Variants in DYNC2I1 observed in about 807,000 individuals in gnomAD.
DYNC2I1 encodes the protein dynein 2 intermediate chain 1.
DYNC2I1 carries 89 observed loss-of-function variants against 133.4 expected under a neutral mutation model. That is an observed-to-expected ratio of 0.67 (90% CI 0.56 to 0.80). The LOEUF (loss-of-function observed/expected upper bound fraction) is 0.80, where lower values mean the gene tolerates loss of function less well. Among genes scored for constraint, DYNC2I1 ranks in the 30% least tolerant of loss-of-function variants. DYNC2I1 has a pLI of 0.00. For missense variants in DYNC2I1, 1,291 were observed against 1,314.5 expected (o/e 0.98, Z 0.28); for synonymous variants, 504 against 484.3 (o/e 1.04, Z -0.54).
At chr7:158,860,482 A>G (rs1385885984) in intron 1 of DYNC2I1, among the ~76,000 whole-genome samples, 1 of 152,256 alleles carries the variant, frequency 6.6e-6, no homozygotes, top group Non-Finnish European at 1.5e-5. Flanking sequence ...CTGAGATCAT[A>G]CCAAGTTTCA....
intron 16 of DYNC2I1, 97 bp from the exon 17 acceptor site, chr7:158,923,474 T>C: frequency 6.4e-7 from 1 of 1,563,296 alleles, no homozygotes. Flanking sequence ...CCGTGCAAAG[T>C]GAAACATGGT....
the DYNC2I1 span, among the ~76,000 whole-genome samples, chr7:158,842,738 C>T: frequency 1.3e-5 from 2 of 152,244 alleles, no homozygotes; most frequent in African/African-American, 2.4e-5. Flanking sequence ...TGATTCTGCT[C>T]TTAATTTCTG....
At chr7:158,874,308 A>C (rs549350741) in intron 3 of DYNC2I1, among the ~76,000 whole-genome samples, 3 of 152,072 alleles carry the variant, frequency 2.0e-5, no homozygotes, top group East Asian at 3.9e-4. Context: ...CCCAGGTTCA[A>C]GTGATCCTCA....
chr7:158,907,164 G>GAA (rs150638362), intron 11 of DYNC2I1, among the ~76,000 whole-genome samples: 2 of 128,376 alleles, frequency 1.6e-5, no homozygotes, highest in Admixed American at 7.8e-5. Flanking sequence ...TCTCAAAAAA[G>GAA]AAAAAAAAAA....
chr7:158,897,999 CTG>C (rs1469119263), intron 8 of DYNC2I1, among the ~76,000 whole-genome samples: 2 of 152,242 alleles, frequency 1.3e-5, no homozygotes, highest in Non-Finnish European at 2.9e-5. Context: ...TTTTTAGCCT[CTG>C]TGTTATTTAG....
At chr7:158,920,462 G>A (rs923570298) in intron 15 of DYNC2I1, among the ~76,000 whole-genome samples, 1 of 151,496 alleles carries the variant, frequency 6.6e-6, no homozygotes, top group Non-Finnish European at 1.5e-5. Context: ...TGTGCATACT[G>A]CAGCGCCAGG....
intron 1 of DYNC2I1, among the ~76,000 whole-genome samples, chr7:158,864,114 C>T (rs1188482698): frequency 7.8e-4 from 15 of 19,338 alleles, no homozygotes; most frequent in Admixed American, 3.4e-3. Context: ...TCCTTAGCTC[C>T]GGGTGTGGGG....
intron 1 of DYNC2I1, among the ~76,000 whole-genome samples, chr7:158,863,600 C>T (rs1314940605): frequency 1.0e-4 from 9 of 87,802 alleles, no homozygotes; most frequent in Non-Finnish European, 1.7e-4. Context: ...GGCGGTGAGC[C>T]GGACGTCCTT....
chr7:158,917,931 CT>C (rs1223204574), intron 14 of DYNC2I1, among the ~76,000 whole-genome samples: 2 of 152,306 alleles, frequency 1.3e-5, no homozygotes, highest in Non-Finnish European at 2.9e-5. Context: ...GTCTCTCACT[CT>C]CCCGTTCTGT....
rs537896867 is a variant in DYNC2I1, at chr7:158,955,872, A to G, written c.*57-711A>G. The stretch of plus-strand genomic sequence containing the variant: ...GAGAAGCATGAGGGATGGGAAGGTC[A>G]AAGGCACAGAGACGAGAAGTAGAAA... On this transcript the variant is annotated intron_variant and NMD_transcript_variant, in intron 4 of 4. Coordinates refer to the DYNC2I1 transcript ENST00000454771. 3.9e-5 allele frequency among the ~76,000 whole-genome samples: 6 copies of G among 152,360 alleles called. No individual in the cohort carries two copies. In the South Asian group the frequency reaches 1.0e-3, roughly 26 times the overall value.
intron 4 of DYNC2I1, among the ~76,000 whole-genome samples, chr7:158,954,855 G>A (rs997946919): frequency 3.9e-5 from 6 of 152,132 alleles, no homozygotes; most frequent in African/African-American, 1.4e-4. Flanking sequence ...TGAAAATCCA[G>A]CTCATTTCAT....
At chr7:158,921,088 G>A (rs774575921) in intron 15 of DYNC2I1, among the ~76,000 whole-genome samples, 57 of 152,210 alleles carry the variant, frequency 3.7e-4, no homozygotes, top group Admixed American at 7.9e-4. Context: ...GTTTCGCTGG[G>A]TCAAGTAGGC....
At chr7:158,924,777 T>A (rs551446220) in intron 17 of DYNC2I1, among the ~76,000 whole-genome samples, 231 of 152,240 alleles carry the variant, frequency 1.5e-3, no homozygotes, top group African/African-American at 5.3e-3. Flanking sequence ...TTTTTTGAGA[T>A]GTGGTCTGGC....
At chr7:158,850,116 G>A in the DYNC2I1 span, among the ~76,000 whole-genome samples, 17 of 152,232 alleles carry the variant, frequency 1.1e-4, no homozygotes, top group African/African-American at 3.9e-4. Context: ...GCAGAGCTGG[G>A]GAGTGGGGAG....
At chr7:158,885,388 C>T (rs570535975) in intron 6 of DYNC2I1, among the ~76,000 whole-genome samples, 1 of 151,856 alleles carries the variant, frequency 6.6e-6, no homozygotes, top group East Asian at 1.9e-4. Context: ...GTTGCCGAGC[C>T]TGGAGTGCAG....
Position 158,922,496 on chromosome 7 carries a change from T to G in DYNC2I1, c.2041T>G (p.Trp681Gly), listed in dbSNP as rs780360940. The change falls in exon 16 of 25, where the codon TGG (tryptophan) becomes GGG (glycine). Residue 681 changes from tryptophan to glycine, a missense_variant. Trp to Gly is a radical substitution (Grantham distance 184). Transcript: ENST00000407559. The stretch of plus-strand genomic sequence containing the variant: ...GGACAGCAAATACGTCCTCTGTGTG[T>G]GGGATATTTGGCAGCCTTCAGGGCC... ...LLDSKYVLCV[W>G]DIWQPSGPQK... 3 of 1,613,832 alleles carry G rather than the reference T, an allele frequency of 1.9e-6. No homozygotes were observed. Among genetic ancestry groups the G allele is most frequent in the Non-Finnish European group, 2.5e-6 (3 of 1,179,862 alleles).
chr7:158,865,056 C>T (rs943937077), intron 1 of DYNC2I1, among the ~76,000 whole-genome samples: 2 of 152,164 alleles, frequency 1.3e-5, no homozygotes, highest in East Asian at 1.9e-4. Context: ...GCTTACAGAG[C>T]GCGGAAGCCC....
the DYNC2I1 span, among the ~76,000 whole-genome samples, chr7:158,845,721 T>G: frequency 6.6e-6 from 1 of 152,206 alleles, no homozygotes; most frequent in Non-Finnish European, 1.5e-5. Flanking sequence ...AAATGATGAC[T>G]ATCACAGTTT....
intron 17 of DYNC2I1, among the ~76,000 whole-genome samples, chr7:158,924,801 C>T (rs1263053688): frequency 6.6e-6 from 1 of 151,984 alleles, no homozygotes; most frequent in African/African-American, 2.4e-5. Flanking sequence ...GTAGCCCAGG[C>T]TGGAGTACAG....
Sources: allele counts gnomAD v4.1 joint callset (sites outside exome capture counted in the v4.1 genomes callset), GRCh38; gene constraint gnomAD v4.1.1; transcripts MANE v1.5; gene names NCBI Gene and HGNC (gene_info 2026-07-23, HGNC 2026-07-21).